TLR6: variants seen among roughly 807,000 people sequenced by gnomAD.
TLR6 encodes the protein toll-like receptor 6.
Under a neutral mutation model 16.1 loss-of-function variants are expected in TLR6, and 9 were observed. The ratio of observed to expected loss-of-function variants is 0.56; its 90% CI spans 0.34 to 0.98. TLR6 has a LOEUF of 0.98. TLR6 is among the 50% of genes least tolerant of loss of function. The probability of loss-of-function intolerance (pLI) is 0.02; values close to 1 mark genes in which losing one functional copy is unlikely to be tolerated. For synonymous variants in TLR6, 340 were observed against 338.6 expected (o/e 1.00, Z -0.04); for missense variants, 786 against 921.0 (o/e 0.85, Z 1.90).
chr4:38,839,019 A>G (rs1712096784), intron 1 of TLR6, among the ~76,000 whole-genome samples: 1 of 141,910 alleles, frequency 7.0e-6, no homozygotes, highest in Admixed American at 7.0e-5. Flanking sequence ...GAGAGAGAGA[A>G]AGAAAGTTAA....
intron 1 of TLR6, among the ~76,000 whole-genome samples, chr4:38,847,899 C>CTT (rs1479480295): frequency 6.6e-6 from 1 of 152,268 alleles, no homozygotes; most frequent in East Asian, 1.9e-4. Context: ...CCTCTGCAGA[C>CTT]TTAAATGTCC....
the TLR6 span, among the ~76,000 whole-genome samples, chr4:38,864,336 C>T: frequency 6.6e-6 from 1 of 152,114 alleles, no homozygotes; most frequent in Non-Finnish European, 1.5e-5. Flanking sequence ...TGCATGCTTT[C>T]AGAAAGGTTA....
exon 2 of TLR6, chr4:38,828,682 T>C (rs373957709): frequency 3.7e-6 from 6 of 1,614,072 alleles, no homozygotes; most frequent in Middle Eastern, 3.3e-4. Flanking sequence ...TGACCAGGCA[T>C]TTCCAAGTCG....
intron 1 of TLR6, among the ~76,000 whole-genome samples, chr4:38,831,730 T>A (rs1711595668): frequency 6.6e-6 from 1 of 152,208 alleles, no homozygotes; most frequent in East Asian, 1.9e-4. Flanking sequence ...CCAAAGAAGA[T>A]ATGTAAAGAG....
At chr4:38,863,063 G>A in the TLR6 span, among the ~76,000 whole-genome samples, 1 of 150,202 alleles carries the variant, frequency 6.7e-6, no homozygotes, top group Non-Finnish European at 1.5e-5. Flanking sequence ...TCTCTTAAAT[G>A]TACTTCAGTC....
chr4:38,826,842 A>G, exon 2 of TLR6: 1 of 360,882 alleles, frequency 2.8e-6, no homozygotes, highest in Non-Finnish European at 5.0e-6. Context: ...CTGAGCATTT[A>G]CTCAAAAGAG....
intron 1 of TLR6, among the ~76,000 whole-genome samples, chr4:38,832,241 C>A (rs146763998): frequency 1.3e-5 from 2 of 152,142 alleles, no homozygotes; most frequent in East Asian, 3.9e-4. Context: ...AAAGAAGGAC[C>A]AAAACAGTGA....
chr4:38,848,002 C>T (rs1351830260), intron 1 of TLR6, among the ~76,000 whole-genome samples: 5 of 152,102 alleles, frequency 3.3e-5, no homozygotes, highest in African/African-American at 1.2e-4. Context: ...GGGTCCCTGA[C>T]CCCCATGTAG....
chr4:38,859,742 T>C (rs1713156068), upstream of TLR6, among the ~76,000 whole-genome samples: 1 of 151,776 alleles, frequency 6.6e-6, no homozygotes, highest in Non-Finnish European at 1.5e-5. Flanking sequence ...TTTTTATATT[T>C]TTTTGCAGAG....
At chr4:38,837,341 C>T (rs761826170) in intron 1 of TLR6, among the ~76,000 whole-genome samples, 1 of 152,110 alleles carries the variant, frequency 6.6e-6, no homozygotes, top group Non-Finnish European at 1.5e-5. Context: ...AACGATACTG[C>T]AAAGCAAAAG....
chr4:38,845,981 A>C (rs1291633251), intron 1 of TLR6, among the ~76,000 whole-genome samples: 1 of 151,168 alleles, frequency 6.6e-6, no homozygotes, highest in Non-Finnish European at 1.5e-5. Context: ...AGTCCCAGCT[A>C]TTCAGGAGGC....
intron 1 of TLR6, among the ~76,000 whole-genome samples, chr4:38,841,718 G>C (rs1049709882): frequency 6.6e-6 from 1 of 152,134 alleles, no homozygotes; most frequent in Non-Finnish European, 1.5e-5. Context: ...TTGATCAATC[G>C]CATCAAAGGA....
chr4:38,860,802 G>T (rs1326770189), upstream of TLR6, among the ~76,000 whole-genome samples: 1 of 152,052 alleles, frequency 6.6e-6, no homozygotes, highest in African/African-American at 2.4e-5. Flanking sequence ...AGACACTATT[G>T]TACACCCCTA....
intron 1 of TLR6, among the ~76,000 whole-genome samples, chr4:38,837,053 C>T (rs1711964123): frequency 6.6e-6 from 1 of 151,382 alleles, no homozygotes. Context: ...GCCCCTACAA[C>T]AAAAACTACA....
upstream of TLR6, among the ~76,000 whole-genome samples, chr4:38,859,831 G>T (rs1036548279): frequency 1.3e-5 from 2 of 152,012 alleles, no homozygotes; most frequent in Non-Finnish European, 2.9e-5. Context: ...CTCCCAAAGT[G>T]CTGGAATTAC....
rs1336616715 is a variant in TLR6, at chr4:38,853,726, C to T, written c.-65+3035G>A. 1.3e-5 allele frequency among the ~76,000 whole-genome samples: 2 copies of T among 152,288 alleles called. 1 individual carries two copies. Among genetic ancestry groups the T allele is most frequent in the Middle Eastern group, 6.8e-3 (2 of 294 alleles). On this transcript the variant is annotated intron_variant, in intron 1 of 1. Coordinates refer to ENST00000436693, the Ensembl canonical transcript of TLR6. ...TCATGCCATCCTCTCACCTCAGCCT[C>T]CCACGGAGCTGGGGTTACAGGTACA...
At chr4:38,826,615 T>A (rs1727553459) in exon 2 of TLR6, 1 of 154,296 alleles carries the variant, frequency 6.5e-6, no homozygotes, top group Non-Finnish European at 1.4e-5. Flanking sequence ...AACAAAAGAC[T>A]TTTTTATATG....
the TLR6 span, among the ~76,000 whole-genome samples, chr4:38,865,746 G>T: frequency 1.3e-5 from 2 of 152,216 alleles, no homozygotes; most frequent in Non-Finnish European, 1.5e-5. Flanking sequence ...GTTAGTTAAG[G>T]TTCAAAGTCT....
exon 2 of TLR6, chr4:38,827,259 T>G: frequency 6.2e-7 from 1 of 1,614,174 alleles, no homozygotes; most frequent in Non-Finnish European, 8.5e-7. Context: ...TTCTGTGGAA[T>G]GGGTTCCAGT....
Sources: gnomAD v4.1 joint callset for allele counts (sites outside exome capture counted in the v4.1 genomes callset) on GRCh38, gnomAD v4.1.1 for gene constraint, MANE v1.5 for transcripts, NCBI Gene and HGNC (gene_info 2026-07-23, HGNC 2026-07-21) for gene names.